Variants in SUPT5H observed in about 807,000 individuals in gnomAD.
The protein encoded by SUPT5H is transcription elongation factor SPT5.
In SUPT5H, 24 loss-of-function variants were observed where a neutral mutation model predicts 142.5. The observed-to-expected ratio is 0.17, with a 90% CI of 0.12 to 0.24. SUPT5H has a LOEUF of 0.24. Ranked by LOEUF, SUPT5H falls within the 10% of genes least tolerant of loss-of-function variation. The pLI is 1.00. For synonymous variants in SUPT5H, 546 were observed against 553.0 expected (o/e 0.99, Z 0.18); for missense variants, 893 against 1,471.8 (o/e 0.61, Z 6.43).
chr19:39,470,475 T>C lies in SUPT5H; in HGVS notation c.1629T>C (p.Asp543=). Residue 543 remains aspartate, a synonymous_variant, in exon 18 of 30, where the codon GAT becomes GAC. Coordinates refer to ENST00000432763, the MANE Select transcript of SUPT5H (RefSeq NM_001111020.3). This position sits in a 1 kb window ranked among gnomAD's most constrained non-coding sequence, Gnocchi z 5.8. ...QHEWGELVQL[D]PQTVGVIVRL... is the part of the protein sequence containing the mutation. ...AATGGGGCGAGCTGGTGCAGCTGGATCCCCAGACTGTGGGTGTCATCGTGC... is the reference window on the plus strand; with the variant it reads ...AATGGGGCGAGCTGGTGCAGCTGGACCCCCAGACTGTGGGTGTCATCGTGC... The C allele has an allele frequency of 6.2e-7, 1 of 1,601,822 alleles. No homozygotes were observed. The highest frequency in any genetic ancestry group is 8.5e-7 in the Non-Finnish European group (1 of 1,173,300).
At position 39,466,723 on chromosome 19, in the gene SUPT5H, C is replaced by T. The variant is rs201669270; in HGVS notation, c.1015C>T (p.Leu339=). ...GAAGTTTAAGCGGCCTCCACAGAGG[C>T]TGTTTGATGCTGAGAAGATCAGGTG... ...RKKFKRPPQR[L]FDAEKIRSLG... is the part of the protein sequence containing the mutation. Residue 339 remains leucine, a synonymous_variant, in exon 13 of 30, where the codon CTG becomes TTG. Transcript: ENST00000432763. This position sits in a 1 kb window ranked among gnomAD's most constrained non-coding sequence, Gnocchi z 4.3. 13 of 1,614,188 alleles carry T rather than the reference C, an allele frequency of 8.1e-6. No individual in the cohort carries two copies. The African/African-American group carries it at 1.6e-4, about 20-fold the overall frequency.
rs529980851 is a variant in SUPT5H, at chr19:39,476,479, C to G, written c.*80C>G. On this transcript the variant is annotated 3_prime_UTR_variant, in exon 30 of 30. Transcript: ENST00000432763. Reference sequence around the variant, plus strand: ...TGGCCCTTGGCTGTGACACAAGATCCTCCTGCAGGGCTAGGCGGATTGTTC... The same window carrying G: ...TGGCCCTTGGCTGTGACACAAGATCGTCCTGCAGGGCTAGGCGGATTGTTC... 1.3e-6 allele frequency: 2 copies of G among 1,555,876 alleles called. No homozygotes were observed. Among genetic ancestry groups the G allele is most frequent in the African/African-American group, 2.7e-5 (2 of 73,618 alleles).
intron 4 of SUPT5H, 148 bp downstream of exon 4, chr19:39,457,888 C>T (rs112133028): frequency 7.2e-7 from 1 of 1,392,614 alleles, no homozygotes; most frequent in Non-Finnish European, 9.8e-7. Context: ...CCAGAGAGAC[C>T]AGCTCCCTGC....
At chr19:39,462,476 T>C (rs1855038011) in intron 10 of SUPT5H, among the ~76,000 whole-genome samples, 1 of 152,152 alleles carries the variant, frequency 6.6e-6, no homozygotes. Flanking sequence ...ACTGACTTGC[T>C]TCACTTAATG....
rs116886042 is a variant in SUPT5H, at chr19:39,447,228, A to G, written c.75+1263A>G. 7.2e-3 allele frequency among the ~76,000 whole-genome samples: 1,104 copies of G among 152,280 alleles called. 16 individuals carry two copies. The highest frequency in any genetic ancestry group is 0.01 in the Middle Eastern group (3 of 294). ...TCAGAGTGAGTGCAACAAAGAATTT[A>G]TGAGAGCCAAGTCATATAGGATCTT... On this transcript the variant is annotated intron_variant, in intron 2 of 29. Transcript: ENST00000432763.
chr19:39,458,028 A>G lies in SUPT5H; in HGVS notation c.308-266A>G, dbSNP rs977224482. On this transcript the variant is annotated intron_variant, in intron 4 of 29. Coordinates refer to ENST00000432763, the MANE Select transcript of SUPT5H (RefSeq NM_001111020.3). The surrounding 1 kb of genome is among the most constrained non-coding windows in gnomAD (Gnocchi z 4.2). The stretch of plus-strand genomic sequence containing the variant: ...TAGGGTGGGCGAGCTCTGTCCCAAG[A>G]TACCCCCCACTTCCTGGGCCAGTGC... The G allele has an allele frequency of 1.2e-4, 84 of 729,000 alleles. No homozygotes were observed. Among genetic ancestry groups the G allele is most frequent in the Middle Eastern group, 1.1e-3 (3 of 2,660 alleles). 45.2% of individuals were successfully genotyped at this position (729,000 alleles called of 1,614,324 possible).
rs57757348 is a variant in SUPT5H at position 39,449,939 on chromosome 19, CTT to C, written c.76-3402_76-3401del. 5.1e-3 allele frequency among the ~76,000 whole-genome samples: 670 copies of C among 130,588 alleles called. 2 individuals are homozygous for C. The highest frequency in any genetic ancestry group is 0.021 in the South Asian group (82 of 3,988). The allele number at this position is 130,588 out of a possible 152,430, so 85.7% of individuals were successfully genotyped here. Reference sequence around the variant, plus strand: ...ACAGGCATGAGCCACCACGCTAAGCCTTTTTTTTTTTTTTTTGAGACAGGGTC... The same window carrying C: ...ACAGGCATGAGCCACCACGCTAAGCCTTTTTTTTTTTTTTGAGACAGGGTC... On this transcript the variant is annotated intron_variant, in intron 2 of 29. Coordinates refer to ENST00000432763, the MANE Select transcript of SUPT5H (RefSeq NM_001111020.3).
At chr19:39,463,031 T>C (rs56287422) in intron 10 of SUPT5H, among the ~76,000 whole-genome samples, 15 of 118,730 alleles carry the variant, frequency 1.3e-4, no homozygotes, top group Non-Finnish European at 2.2e-4. Context: ...TTTTTTTTGG[T>C]ATTTTTAGTA....
In SUPT5H at chr19:39,459,938, T is replaced by C. The variant is rs969445628; in HGVS notation, c.602T>C (p.Ile201Thr). 1 of 1,614,078 alleles carries C rather than the reference T, an allele frequency of 6.2e-7. No homozygotes were observed. The highest frequency in any genetic ancestry group is 1.3e-5 in the African/African-American group (1 of 74,930). The change falls in exon 10 of 30, where the codon ATT becomes ACT. Residue 201 changes from isoleucine to threonine, a missense_variant. Physicochemically the swap from Ile to Thr is moderately conservative, Grantham distance 89. This residue lies in a region of SUPT5H where 428 missense variants were observed against 763.5 expected (regional missense o/e 0.56). Coordinates refer to ENST00000432763, the MANE Select transcript of SUPT5H (RefSeq NM_001111020.3). Reference sequence around the variant, plus strand: ...GCCATTTCCTTGATGCGCAAGTTCATTGCCTACCAGTTCACAGACACGGTA... The same window carrying C: ...GCCATTTCCTTGATGCGCAAGTTCACTGCCTACCAGTTCACAGACACGGTA... ...ATAISLMRKF[I>T]AYQFTDTPLQ...
At chr19:39,446,218 C>G (rs1828083155) in intron 2 of SUPT5H, among the ~76,000 whole-genome samples, 1 of 151,934 alleles carries the variant, frequency 6.6e-6, no homozygotes, top group African/African-American at 2.4e-5. Context: ...ATAGTAAGCA[C>G]TTAGCATTAG....
chr19:39,467,581 TGGG>T (rs900478179), intron 13 of SUPT5H: 1 of 152,048 alleles, frequency 6.6e-6, no homozygotes, highest in Non-Finnish European at 1.5e-5. Flanking sequence ...CCACTTGAGA[TGGG>T]GGGGTATGGA....
chr19:39,458,989 C>G lies in SUPT5H; in HGVS notation c.390-16C>G, dbSNP rs1338080653. 6.2e-7 allele frequency: 1 copy of G among 1,613,944 alleles called. No homozygotes were observed. Among genetic ancestry groups the G allele is most frequent in the African/African-American group, 1.3e-5 (1 of 74,870 alleles). On this transcript the variant is annotated splice_polypyrimidine_tract_variant and intron_variant, in intron 6 of 29. Transcript: ENST00000432763. The surrounding 1 kb of genome is among the most constrained non-coding windows in gnomAD (Gnocchi z 4.2). ...TCAACCTTCAATTCGTGTTTGCTTC[C>G]CCACTCGTGCTCCAGGGACCAGCGA...
intron 28 of SUPT5H, chr19:39,475,736 T>C (rs1387856305): frequency 1.1e-5 from 3 of 266,672 alleles, no homozygotes; most frequent in African/African-American, 6.7e-5. Flanking sequence ...TCCAGAGCTC[T>C]GGTGGGGCCT....
intron 2 of SUPT5H, among the ~76,000 whole-genome samples, chr19:39,450,411 G>T (rs1038337967): frequency 6.6e-6 from 1 of 152,200 alleles, no homozygotes; most frequent in Non-Finnish European, 1.5e-5. Flanking sequence ...GAATAGCTGG[G>T]ATTACAGGCG....
Position 39,466,338 on chromosome 19 carries a change from G to A in SUPT5H, c.877-142G>A. 1.4e-6 allele frequency: 1 copy of A among 727,890 alleles called. No individual in the cohort carries two copies. The allele number at this position is 727,890 out of a possible 1,614,324, so 45.1% of individuals were successfully genotyped here. ...TTGAGGGGACAGACAAGCTAGCGTG[G>A]GACTTTTGGGAGTGGTCAGCAGCCT... On this transcript the variant is annotated intron_variant, in intron 11 of 29. Coordinates refer to ENST00000432763, the MANE Select transcript of SUPT5H (RefSeq NM_001111020.3). This position sits in a 1 kb window ranked among gnomAD's most constrained non-coding sequence, Gnocchi z 4.3.
Position 39,474,728 on chromosome 19 carries a change from G to C in SUPT5H, c.3024+10G>C. ...CATCCGCAGTGTCACGGTACGTGGG[G>C]CCCAGGGTGGTGGGTGAGCAGGCAT... is the stretch of plus-strand genomic sequence containing the variant. On this transcript the variant is annotated intron_variant, in intron 28 of 29. Transcript: ENST00000432763. The surrounding 1 kb of genome is among the most constrained non-coding windows in gnomAD (Gnocchi z 6.5). The C allele has an allele frequency of 6.2e-7, 1 of 1,602,796 alleles. No individual in the cohort carries two copies. Among genetic ancestry groups the C allele is most frequent in the Non-Finnish European group, 8.5e-7 (1 of 1,174,634 alleles).
At position 39,476,306 on chromosome 19, in the gene SUPT5H, C is replaced by T. The variant is rs1202054845; in HGVS notation, c.3171C>T (p.Ser1057=). The change falls in exon 30 of 30, where the codon AGC becomes AGT. Residue 1057 remains serine (S), a synonymous_variant. Coordinates refer to ENST00000432763, the MANE Select transcript of SUPT5H (RefSeq NM_001111020.3). ...GGGAAGCCACGGGCGTCCTACTGAGCATTGATGGTGAGGATGGCATTGTCC... is the reference window on the plus strand; with the variant it reads ...GGGAAGCCACGGGCGTCCTACTGAGTATTGATGGTGAGGATGGCATTGTCC... ...EDREATGVLL[S]IDGEDGIVRM... is the part of the protein sequence containing the mutation. 1.2e-6 allele frequency: 2 copies of T among 1,613,996 alleles called. No homozygotes were observed. The highest frequency in any genetic ancestry group is 1.7e-6 in the Non-Finnish European group (2 of 1,180,040).
At chr19:39,450,379 G>A (rs1259092126) in intron 2 of SUPT5H, among the ~76,000 whole-genome samples, 1 of 152,106 alleles carries the variant, frequency 6.6e-6, no homozygotes, top group Non-Finnish European at 1.5e-5. Flanking sequence ...GGGTTTAAGT[G>A]ATTCTCCTGC....
chr19:39,471,425 C>T lies in SUPT5H; in HGVS notation c.1746C>T (p.Arg582=). The change falls in exon 19 of 30, where the codon CGC becomes CGT. Residue 582 remains arginine, a synonymous_variant. Coordinates refer to ENST00000432763, the MANE Select transcript of SUPT5H (RefSeq NM_001111020.3). ...CTGTGACCCGGAAGAAGGACAACCGCTTTGCTGTGGCCTTGGACTCAGAGC... is the reference window on the plus strand; with the variant it reads ...CTGTGACCCGGAAGAAGGACAACCGTTTTGCTGTGGCCTTGGACTCAGAGC... The part of the protein sequence containing the change: ...HQAVTRKKDN[R]FAVALDSEQN... The T allele has an allele frequency of 1.9e-6, 3 of 1,614,216 alleles. 1 individual carries two copies. In the South Asian group the frequency reaches 3.3e-5, roughly 18 times the overall value.
Sources: allele counts gnomAD v4.1 joint callset (sites outside exome capture counted in the v4.1 genomes callset), GRCh38; gene constraint gnomAD v4.1.1; regional missense constraint gnomAD v4.1.1; non-coding constraint Gnocchi (gnomAD v3.1); transcripts MANE v1.5; gene names NCBI Gene and HGNC (gene_info 2026-07-23, HGNC 2026-07-21).